Variants in DISC1 observed in about 807,000 individuals in gnomAD.
DISC1 encodes disrupted in schizophrenia 1 protein.
DISC1 carries 57 observed loss-of-function variants against 84.5 expected under a neutral mutation model. The ratio of observed to expected loss-of-function variants is 0.67; its 90% CI spans 0.55 to 0.84. DISC1 has a LOEUF of 0.84. Ranked by LOEUF, DISC1 falls within the 40% of genes least tolerant of loss-of-function variation. The pLI, the probability that DISC1 is intolerant of heterozygous loss-of-function variation, is 0.00. For missense variants in DISC1, 1,000 were observed against 1,057.8 expected, an observed-to-expected ratio of 0.95 and a Z score of 0.76; for synonymous variants, 411 against 415.2, an observed-to-expected ratio of 0.99 and a Z score of 0.12.
chr1:231,733,331 G>A (rs1461000921), intron 3 of DISC1, among the ~76,000 whole-genome samples: 1 of 150,656 alleles, frequency 6.6e-6, no homozygotes, highest in East Asian at 2.0e-4. Context: ...TGGTGATGGT[G>A]GGAATGGTGG....
chr1:231,881,967 C>G (rs1205092093), intron 9 of DISC1, among the ~76,000 whole-genome samples: 1 of 152,172 alleles, frequency 6.6e-6, no homozygotes, highest in Non-Finnish European at 1.5e-5. Flanking sequence ...CATAAGGGAA[C>G]TTGCTTGAGG....
At chr1:231,877,604 T>C (rs774884946) in intron 9 of DISC1, among the ~76,000 whole-genome samples, 4 of 152,228 alleles carry the variant, frequency 2.6e-5, no homozygotes, top group African/African-American at 4.8e-5. Flanking sequence ...TTGAATACCA[T>C]GAATTTCTGG....
intron 9 of DISC1, among the ~76,000 whole-genome samples, chr1:231,835,361 G>A (rs1056989738): frequency 1.3e-5 from 2 of 152,154 alleles, no homozygotes; most frequent in Non-Finnish European, 2.9e-5. Context: ...TAGGGGTGGC[G>A]CTGTTTTATA....
At chr1:231,710,346 A>G (rs935352387) in intron 3 of DISC1, among the ~76,000 whole-genome samples, 3 of 152,132 alleles carry the variant, frequency 2.0e-5, no homozygotes, top group African/African-American at 2.4e-5. Context: ...ACCCTGTCTC[A>G]AAAACAAAAA....
At chr1:231,634,496 A>T (rs12078191) in intron 1 of DISC1, among the ~76,000 whole-genome samples, 1 of 152,154 alleles carries the variant, frequency 6.6e-6, no homozygotes. Flanking sequence ...GTCTTGTGTT[A>T]TAGCTGCAGG....
chr1:231,694,606 A>C lies in DISC1; in HGVS notation c.848A>C (p.Asn283Thr), dbSNP rs753537068. 5 of 1,614,250 alleles carry C rather than the reference A, an allele frequency of 3.1e-6. No individual in the cohort carries two copies. The highest frequency in any genetic ancestry group is 4.2e-6 in the Non-Finnish European group (5 of 1,180,038). Residue 283 changes from asparagine (N) to threonine (T), a missense_variant, in exon 2 of 13, where the codon AAC (asparagine) becomes ACC (threonine). Physicochemically the swap from Asn to Thr is moderately conservative, Grantham distance 65. Coordinates refer to ENST00000439617, the MANE Select transcript of DISC1 (RefSeq NM_018662.3). Reference sequence around the variant, plus strand: ...GCAGACTTGGCCCAGGCCGCAAGGAACAGCTCCAGGCCAGAGCGTGACATG... The same window carrying C: ...GCAGACTTGGCCCAGGCCGCAAGGACCAGCTCCAGGCCAGAGCGTGACATG... ...VSADLAQAAR[N>T]SSRPERDMHS... is the part of the protein sequence containing the mutation.
intron 9 of DISC1, among the ~76,000 whole-genome samples, chr1:231,933,140 A>G (rs2090773634): frequency 6.6e-6 from 1 of 152,194 alleles, no homozygotes; most frequent in Non-Finnish European, 1.5e-5. Flanking sequence ...ACACTCTGTG[A>G]GGGAAGTAAT....
At chr1:231,702,313 T>C in intron 3 of DISC1, 3 of 1,127,950 alleles carry the variant, frequency 2.7e-6, no homozygotes, top group South Asian at 2.5e-5. Flanking sequence ...CTGCCCATGG[T>C]GTGATGTATC....
At chr1:231,721,148 G>A (rs1291691479) in intron 3 of DISC1, 7 of 1,248,274 alleles carry the variant, frequency 5.6e-6, no homozygotes, top group Non-Finnish European at 5.2e-6. Context: ...TACCTTGCTG[G>A]GCTGATGAAA....
intron 3 of DISC1, among the ~76,000 whole-genome samples, chr1:231,739,340 G>A (rs992405070): frequency 5.3e-5 from 8 of 151,822 alleles, no homozygotes; most frequent in Non-Finnish European, 8.8e-5. Context: ...TCCTTCATTT[G>A]TTTACATATT....
chr1:231,898,658 G>A (rs1473588114), intron 9 of DISC1, among the ~76,000 whole-genome samples: 2 of 152,212 alleles, frequency 1.3e-5, no homozygotes, highest in African/African-American at 4.8e-5. Context: ...TAGGCCGGGT[G>A]TGGTGGCTCA....
chr1:231,961,959 G>T (rs1295336937), intron 10 of DISC1, among the ~76,000 whole-genome samples: 1 of 152,178 alleles, frequency 6.6e-6, no homozygotes, highest in Non-Finnish European at 1.5e-5. Flanking sequence ...TCTGCCAACT[G>T]CTTCTACAGT....
At chr1:231,762,509 G>GTTTTTT (rs1396197645) in intron 4 of DISC1, among the ~76,000 whole-genome samples, 1 of 52,556 alleles carries the variant, frequency 1.9e-5, no homozygotes, top group African/African-American at 5.8e-5. Flanking sequence ...TTTTAGTTTT[G>GTTTTTT]TTTTGTTTTT....
At chr1:231,900,672 G>T (rs2088101926) in intron 9 of DISC1, among the ~76,000 whole-genome samples, 1 of 152,152 alleles carries the variant, frequency 6.6e-6, no homozygotes, top group South Asian at 2.1e-4. Context: ...TTACTCTTCT[G>T]CCATGGGAAA....
chr1:231,836,860 T>G (rs948586778), intron 9 of DISC1, among the ~76,000 whole-genome samples: 8 of 152,108 alleles, frequency 5.3e-5, no homozygotes, highest in Non-Finnish European at 1.2e-4. Flanking sequence ...CCACTGACTT[T>G]CCTGTACACA....
At chr1:231,764,210 A>G (rs576282948) in intron 4 of DISC1, among the ~76,000 whole-genome samples, 1 of 152,346 alleles carries the variant, frequency 6.6e-6, no homozygotes, top group Non-Finnish European at 1.5e-5. Flanking sequence ...CTGCAGGGGA[A>G]GATGACCTTG....
chr1:231,801,212 A>G (rs1041429272), intron 8 of DISC1, among the ~76,000 whole-genome samples: 3 of 152,106 alleles, frequency 2.0e-5, no homozygotes, highest in African/African-American at 7.2e-5. Flanking sequence ...GGCAGCGCAA[A>G]TGTGGGGCTT....
intron 6 of DISC1, 80 bp downstream of exon 6, chr1:231,771,150 C>A (rs1223875206): frequency 1.2e-4 from 183 of 1,469,508 alleles, no homozygotes; most frequent in Non-Finnish European, 1.6e-4. Flanking sequence ...TGCTGTCTTT[C>A]ATTTCTAAAC....
At chr1:231,788,795 G>A (rs1264104488) in intron 6 of DISC1, among the ~76,000 whole-genome samples, 3 of 152,138 alleles carry the variant, frequency 2.0e-5, no homozygotes, top group Admixed American at 1.3e-4. Flanking sequence ...CTGATCCTGA[G>A]GGGGCAGTGG....
Sources: allele counts gnomAD v4.1 joint callset (sites outside exome capture counted in the v4.1 genomes callset), GRCh38; gene constraint gnomAD v4.1.1; transcripts MANE v1.5; gene names NCBI Gene and HGNC (gene_info 2026-07-23, HGNC 2026-07-21).